The following THSD4 variants were observed in gnomAD, a reference collection of about 807,000 sequenced individuals.
THSD4 encodes the protein thrombospondin type 1 domain containing 4.
Under a neutral mutation model 119.0 loss-of-function variants are expected in THSD4, and 69 were observed. The observed-to-expected ratio is 0.58, with a 90% confidence interval of 0.48 to 0.71. THSD4 has a LOEUF of 0.71. Among genes scored for constraint, THSD4 ranks in the 30% least tolerant of loss-of-function variants. The pLI, the probability that THSD4 is intolerant of heterozygous loss-of-function variation, is 0.00. For missense variants in THSD4, 1,393 were observed against 1,391.1 expected (o/e 1.00, Z -0.02); for synonymous variants, 524 against 540.4 (o/e 0.97, Z 0.42).
At position 71,356,912 on chromosome 15, in the gene THSD4, C is replaced by T. The variant is rs568663133; in HGVS notation, c.1016-54775C>T. 9.2e-4 allele frequency among the ~76,000 whole-genome samples: 140 copies of T among 152,296 alleles called. 4 individuals carry two copies. The South Asian group carries it at 0.027, about 29-fold the overall frequency. ...ATGGCAGGAAGACACCAAACGACAG[C>T]GCACAGGGTGATCACTGAGTCCAGC... On this transcript the variant is annotated intron_variant, in intron 6 of 17. Coordinates refer to ENST00000261862, the MANE Select transcript of THSD4 (RefSeq NM_024817.3).
At chr15:71,703,746 T>C (rs1356040666) in intron 8 of THSD4, among the ~76,000 whole-genome samples, 1 of 152,180 alleles carries the variant, frequency 6.6e-6, no homozygotes, top group Non-Finnish European at 1.5e-5. Context: ...AATTTCTTCC[T>C]TGTCAGCACT....
intron 6 of THSD4, among the ~76,000 whole-genome samples, chr15:71,389,391 G>A (rs894928445): frequency 6.6e-6 from 1 of 151,418 alleles, no homozygotes; most frequent in Non-Finnish European, 1.5e-5. Flanking sequence ...ATTTGTCATT[G>A]TGTGACTGGC....
chr15:71,542,440 C>T (rs2048771555), intron 7 of THSD4, among the ~76,000 whole-genome samples: 2 of 152,254 alleles, frequency 1.3e-5, no homozygotes, highest in South Asian at 4.1e-4. Context: ...ACCTGAACCA[C>T]ATGGTCAAGG....
intron 6 of THSD4, among the ~76,000 whole-genome samples, chr15:71,303,181 C>G (rs1464174698): frequency 6.6e-6 from 1 of 151,982 alleles, no homozygotes; most frequent in Non-Finnish European, 1.5e-5. Context: ...CCAAGTGATT[C>G]TGGCAGCCAG....
chr15:71,222,942 T>C (rs1418302787), intron 4 of THSD4, among the ~76,000 whole-genome samples: 1 of 152,202 alleles, frequency 6.6e-6, no homozygotes, highest in Non-Finnish European at 1.5e-5. Context: ...TGGCTGTGTA[T>C]CCTGCCGATG....
chr15:71,257,619 G>T (rs892626553), intron 6 of THSD4, among the ~76,000 whole-genome samples: 4 of 152,174 alleles, frequency 2.6e-5, no homozygotes, highest in African/African-American at 9.7e-5. Flanking sequence ...ATAGTGAGTT[G>T]TGATGATTTT....
chr15:71,401,148 C>T (rs942141019), intron 6 of THSD4, among the ~76,000 whole-genome samples: 2 of 152,186 alleles, frequency 1.3e-5, no homozygotes, highest in African/African-American at 2.4e-5. Flanking sequence ...AGTAGCAAAG[C>T]TCCCTAAAAT....
rs1006780661 is a variant in THSD4 at position 71,778,796 on chromosome 15, C to T, written c.*1422C>T. 2.6e-5 allele frequency: 4 copies of T among 152,324 alleles called. No individual in the cohort carries two copies. Among genetic ancestry groups the T allele is most frequent in the Non-Finnish European group, 5.9e-5 (4 of 68,134 alleles). The allele number at this position is 152,324 out of a possible 1,614,324, so 9.4% of individuals were successfully genotyped here. The stretch of plus-strand genomic sequence containing the variant: ...TTCCCCATCTCTTCCAATTCACTTT[C>T]CCCAACTATCCAGTTCCAGAGGCCG... On this transcript the variant is annotated 3_prime_UTR_variant, in exon 18 of 18. Coordinates refer to ENST00000261862, the MANE Select transcript of THSD4 (RefSeq NM_024817.3).
chr15:71,495,556 T>G (rs1439549735), intron 7 of THSD4, among the ~76,000 whole-genome samples: 2 of 152,218 alleles, frequency 1.3e-5, no homozygotes, highest in African/African-American at 4.8e-5. Flanking sequence ...TTCTTCCCTG[T>G]GCTCGGGACA....
chr15:71,304,644 A>G (rs928974376), intron 6 of THSD4, among the ~76,000 whole-genome samples: 4 of 152,164 alleles, frequency 2.6e-5, no homozygotes, highest in African/African-American at 9.6e-5. Flanking sequence ...AATTATTTTC[A>G]GAGAATTCAG....
intron 6 of THSD4, among the ~76,000 whole-genome samples, chr15:71,263,331 G>GTGTATATATATATATATATATATA (rs1555458973): frequency 2.2e-4 from 30 of 138,888 alleles, no homozygotes; most frequent in Non-Finnish European, 3.7e-4. Context: ...GTATTCCATG[G>GTGTATATATATATATATATATATA]TATATATATA....
chr15:71,199,460 G>GT (rs1292451540), intron 3 of THSD4, among the ~76,000 whole-genome samples: 20 of 138,290 alleles, frequency 1.4e-4, no homozygotes, highest in Admixed American at 4.3e-4. Context: ...TGTGGGGGGG[G>GT]GTGTGTGTGT....
intron 6 of THSD4, among the ~76,000 whole-genome samples, chr15:71,387,807 G>A (rs1264273205): frequency 6.6e-6 from 1 of 152,180 alleles, no homozygotes. Flanking sequence ...CACAGCTTAG[G>A]AAAAGCATCT....
At chr15:71,687,848 TTAC>T (rs1455027597) in intron 8 of THSD4, among the ~76,000 whole-genome samples, 2 of 152,066 alleles carry the variant, frequency 1.3e-5, no homozygotes, top group Non-Finnish European at 2.9e-5. Flanking sequence ...TATTTGGAAA[TTAC>T]TAATGCAAAG....
At chr15:71,658,479 A>T (rs1003845410) in intron 7 of THSD4, among the ~76,000 whole-genome samples, 8 of 151,898 alleles carry the variant, frequency 5.3e-5, no homozygotes, top group Admixed American at 1.3e-4. Flanking sequence ...GGTGTTGACC[A>T]CCTCTCCTGT....
chr15:71,682,457 C>A (rs2051802136), intron 8 of THSD4, among the ~76,000 whole-genome samples: 1 of 152,178 alleles, frequency 6.6e-6, no homozygotes, highest in African/African-American at 2.4e-5. Flanking sequence ...CACTAACCTC[C>A]CCACCGCAGA....
chr15:71,706,884 T>C (rs79574049), intron 8 of THSD4, among the ~76,000 whole-genome samples: 2,798 of 152,060 alleles, frequency 0.018, 86 homozygotes, highest in African/African-American at 0.064. Flanking sequence ...AGGCAAGACG[T>C]GGTTTGTCTT....
intron 7 of THSD4, among the ~76,000 whole-genome samples, chr15:71,509,107 A>G (rs2048240114): frequency 6.6e-6 from 1 of 152,166 alleles, no homozygotes; most frequent in African/African-American, 2.4e-5. Context: ...AGGTATGACC[A>G]GAATATGAGG....
intron 6 of THSD4, among the ~76,000 whole-genome samples, chr15:71,353,910 G>A (rs913660277): frequency 3.3e-5 from 5 of 152,212 alleles, no homozygotes; most frequent in African/African-American, 1.2e-4. Flanking sequence ...TTACACGTAT[G>A]AGTAAAGAGA....
Sources: gnomAD v4.1 joint callset for allele counts (sites outside exome capture counted in the v4.1 genomes callset) on GRCh38, gnomAD v4.1.1 for gene constraint, MANE v1.5 for transcripts, NCBI Gene and HGNC (gene_info 2026-07-23, HGNC 2026-07-21) for gene names.